Variants in THADA observed in about 807,000 individuals in gnomAD.
THADA encodes tRNA (32-2'-O)-methyltransferase regulator THADA.
A neutral mutation model predicts 219.8 loss-of-function variants in THADA; 213 were observed. The ratio of observed to expected loss-of-function variants is 0.97; its 90% confidence interval spans 0.87 to 1.09. THADA has a LOEUF of 1.09. THADA is among the 50% of genes least tolerant of loss of function. THADA has a pLI of 0.00. For synonymous variants in THADA, 1,018 were observed against 828.9 expected, an observed-to-expected ratio of 1.23 and a Z score of -3.92; for missense variants, 2,956 against 2,311.3, an observed-to-expected ratio of 1.28 and a Z score of -5.72.
At chr2:43,377,820 G>C (rs1011786060) in intron 29 of THADA, among the ~76,000 whole-genome samples, 1 of 152,130 alleles carries the variant, frequency 6.6e-6, no homozygotes, top group Non-Finnish European at 1.5e-5. Flanking sequence ...GTGCACAGGG[G>C]ACTGCCAGGA....
chr2:43,567,977 A>C (rs1159880852), intron 14 of THADA, among the ~76,000 whole-genome samples: 1 of 152,010 alleles, frequency 6.6e-6, no homozygotes, highest in Admixed American at 6.5e-5. Context: ...CCATTCCCTG[A>C]GTTCTCCCTG....
chr2:43,547,377 T>A (rs1389485429), intron 20 of THADA, among the ~76,000 whole-genome samples: 2 of 152,230 alleles, frequency 1.3e-5, no homozygotes, highest in African/African-American at 4.8e-5. Flanking sequence ...ATTATCTTTG[T>A]GGCGTTCTCT....
At chr2:43,281,153 C>A (rs1308675606) in intron 35 of THADA, among the ~76,000 whole-genome samples, 2 of 152,164 alleles carry the variant, frequency 1.3e-5, no homozygotes, top group Non-Finnish European at 2.9e-5. Flanking sequence ...ACATGGAGAA[C>A]CTGGTTTCAG....
At chr2:43,515,513 A>C (rs554496440) in intron 22 of THADA, among the ~76,000 whole-genome samples, 59 of 146,344 alleles carry the variant, frequency 4.0e-4, no homozygotes, top group Middle Eastern at 3.4e-3. Context: ...ACAGAATGAA[A>C]AAACCATAAA....
At chr2:43,501,306 CCAAAAAA>C (rs1688933282) in intron 24 of THADA, among the ~76,000 whole-genome samples, 2 of 12,288 alleles carry the variant, frequency 1.6e-4, no homozygotes, top group African/African-American at 5.4e-4. Flanking sequence ...AACTCCAACT[CCAAAAAA>C]AAAAAAAAAA....
intron 36 of THADA, among the ~76,000 whole-genome samples, chr2:43,274,137 C>A (rs1350628022): frequency 6.6e-6 from 1 of 152,106 alleles, no homozygotes; most frequent in East Asian, 1.9e-4. Flanking sequence ...CCCAGATAAC[C>A]CAGGGGCATG....
intron 26 of THADA, among the ~76,000 whole-genome samples, chr2:43,457,923 G>C (rs968603648): frequency 6.6e-6 from 1 of 150,632 alleles, no homozygotes; most frequent in Non-Finnish European, 1.5e-5. Context: ...GGATGAGAAA[G>C]GAAAAAAAAA....
intron 21 of THADA, among the ~76,000 whole-genome samples, chr2:43,532,163 G>T (rs1019573235): frequency 3.3e-5 from 5 of 151,980 alleles, no homozygotes; most frequent in African/African-American, 1.2e-4. Context: ...TGTAATGCCA[G>T]CACTTTGGGA....
intron 26 of THADA, among the ~76,000 whole-genome samples, chr2:43,460,093 A>G (rs1266410157): frequency 1.3e-5 from 2 of 152,124 alleles, no homozygotes; most frequent in Non-Finnish European, 2.9e-5. Flanking sequence ...TACCCTGAAC[A>G]AGGACCTTGT....
intron 26 of THADA, among the ~76,000 whole-genome samples, chr2:43,471,380 C>T (rs928167218): frequency 3.3e-5 from 5 of 151,922 alleles, no homozygotes; most frequent in African/African-American, 7.3e-5. Flanking sequence ...TATAAAAATT[C>T]GCTAGGCAGG....
At chr2:43,589,907 T>C (rs1701379058) in intron 4 of THADA, among the ~76,000 whole-genome samples, 1 of 152,170 alleles carries the variant, frequency 6.6e-6, no homozygotes, top group South Asian at 2.1e-4. Context: ...TGTCTTTTAC[T>C]ACAATTAGGA....
intron 31 of THADA, among the ~76,000 whole-genome samples, chr2:43,304,371 A>G (rs1208073508): frequency 2.6e-5 from 4 of 152,160 alleles, no homozygotes; most frequent in Admixed American, 6.5e-5. Context: ...TCAGGACTGA[A>G]AAGACCAACC....
At chr2:43,472,469 A>T (rs1490531618) in intron 26 of THADA, among the ~76,000 whole-genome samples, 1 of 152,152 alleles carries the variant, frequency 6.6e-6, no homozygotes, top group Non-Finnish European at 1.5e-5. Context: ...CATTGAAAGA[A>T]CCTCTTTTAT....
intron 31 of THADA, among the ~76,000 whole-genome samples, chr2:43,301,020 T>A (rs1676200741): frequency 6.6e-6 from 1 of 152,196 alleles, no homozygotes; most frequent in Admixed American, 6.5e-5. Flanking sequence ...ACTAATGATA[T>A]TAAAACCACA....
At chr2:43,241,976 C>T (rs1388768453) in intron 36 of THADA, among the ~76,000 whole-genome samples, 7 of 152,218 alleles carry the variant, frequency 4.6e-5, no homozygotes. Flanking sequence ...CTCCCTCCAA[C>T]TCTCTTGGCT....
intron 26 of THADA, among the ~76,000 whole-genome samples, chr2:43,438,243 A>G (rs1189030129): frequency 7.2e-6 from 1 of 139,286 alleles, no homozygotes; most frequent in Admixed American, 7.8e-5. Flanking sequence ...CGGAGCTTGC[A>G]GTGAGCCGAG....
At chr2:43,472,565 TG>T (rs770135107) in intron 26 of THADA, among the ~76,000 whole-genome samples, 5 of 152,230 alleles carry the variant, frequency 3.3e-5, no homozygotes, top group Non-Finnish European at 7.3e-5. Flanking sequence ...GCTAGGTTTC[TG>T]GGGAAAACCG....
At chr2:43,387,709 GGTT>G (rs1672869175) in intron 29 of THADA, among the ~76,000 whole-genome samples, 1 of 152,088 alleles carries the variant, frequency 6.6e-6, no homozygotes, top group South Asian at 2.1e-4. Flanking sequence ...AGACATTTTT[GGTT>G]GTTGTTGTCA....
At chr2:43,452,733 A>T (rs1682497717) in intron 26 of THADA, among the ~76,000 whole-genome samples, 1 of 152,180 alleles carries the variant, frequency 6.6e-6, no homozygotes, top group African/African-American at 2.4e-5. Context: ...AATTTATGGG[A>T]GTAGATGAAC....
Sources: gnomAD v4.1 joint callset for allele counts (sites outside exome capture counted in the v4.1 genomes callset) on GRCh38, gnomAD v4.1.1 for gene constraint, MANE v1.5 for transcripts, NCBI Gene and HGNC (gene_info 2026-07-23, HGNC 2026-07-21) for gene names.